Variants in NBEA observed in about 807,000 individuals in gnomAD.
NBEA encodes lysosomal-trafficking regulator 2.
In NBEA, 44 loss-of-function variants were observed where a neutral mutation model predicts 343.4. The observed-to-expected ratio is 0.13, with a 90% confidence interval of 0.10 to 0.16. The LOEUF (loss-of-function observed/expected upper bound fraction) is 0.16, where lower values mean the gene tolerates loss of function less well. Among genes scored for constraint, NBEA ranks in the 10% least tolerant of loss-of-function variants. The pLI is 1.00. For missense variants in NBEA, 2,555 were observed against 3,631.3 expected (o/e 0.70, Z 7.62); for synonymous variants, 1,175 against 1,238.7 (o/e 0.95, Z 1.08).
At chr13:35,219,873 C>A (rs2074267432) in intron 33 of NBEA, among the ~76,000 whole-genome samples, 1 of 152,124 alleles carries the variant, frequency 6.6e-6, no homozygotes, top group Non-Finnish European at 1.5e-5. Context: ...TAGATGAAGC[C>A]TTCTTCCATG....
chr13:35,327,908 A>G (rs9600505), intron 36 of NBEA, among the ~76,000 whole-genome samples: 31,857 of 151,868 alleles, frequency 0.21, 3,757 homozygotes, highest in African/African-American at 0.32. Flanking sequence ...TATTCCTGAT[A>G]TATAAAAAAA....
At chr13:35,348,656 A>G (rs937120430) in intron 36 of NBEA, among the ~76,000 whole-genome samples, 1 of 152,076 alleles carries the variant, frequency 6.6e-6, no homozygotes, top group African/African-American at 2.4e-5. Context: ...CTGAAATTCA[A>G]ATTTAACTGG....
intron 47 of NBEA, among the ~76,000 whole-genome samples, chr13:35,603,446 T>A (rs2082146180): frequency 6.6e-6 from 1 of 152,212 alleles, no homozygotes; most frequent in Non-Finnish European, 1.5e-5. Context: ...TTTGTGAATC[T>A]AATTTAATGA....
intron 10 of NBEA, among the ~76,000 whole-genome samples, chr13:35,079,274 G>A (rs535104299): frequency 9.9e-5 from 15 of 152,214 alleles, no homozygotes; most frequent in East Asian, 3.9e-4. Flanking sequence ...GTAACTTCTC[G>A]TTGAATTAAA....
chr13:35,024,193 T>C (rs2061939819), intron 1 of NBEA, among the ~76,000 whole-genome samples: 1 of 152,184 alleles, frequency 6.6e-6, no homozygotes, highest in Non-Finnish European at 1.5e-5. Context: ...TATGGCTGCA[T>C]AGTATTCCAT....
chr13:35,305,928 GTATTC>G (rs2036863554), intron 35 of NBEA, among the ~76,000 whole-genome samples: 1 of 152,074 alleles, frequency 6.6e-6, no homozygotes, highest in Non-Finnish European at 1.5e-5. Context: ...TTTGTTCTGA[GTATTC>G]TATTCTTCAT....
chr13:35,324,141 C>G (rs1399099361), intron 36 of NBEA, among the ~76,000 whole-genome samples: 1 of 152,110 alleles, frequency 6.6e-6, no homozygotes, highest in East Asian at 1.9e-4. Context: ...AGGGGCTACA[C>G]TAACAGGAAG....
At chr13:35,135,740 A>G (rs2067684955) in intron 17 of NBEA, among the ~76,000 whole-genome samples, 1 of 151,980 alleles carries the variant, frequency 6.6e-6, no homozygotes, top group Non-Finnish European at 1.5e-5. Context: ...TAGAATAGAA[A>G]GCACAGAAAC....
chr13:35,152,834 T>A (rs1468780411), intron 18 of NBEA, among the ~76,000 whole-genome samples: 1 of 152,072 alleles, frequency 6.6e-6, no homozygotes. Context: ...TTGGTTTTCA[T>A]GTCCATATCC....
intron 8 of NBEA, among the ~76,000 whole-genome samples, chr13:35,065,296 A>G (rs536265024): frequency 7.2e-5 from 11 of 152,042 alleles, no homozygotes; most frequent in African/African-American, 2.4e-4. Context: ...TTTCTCTGGC[A>G]TGAGGTATTG....
intron 41 of NBEA, among the ~76,000 whole-genome samples, chr13:35,514,853 A>G (rs1052716577): frequency 1.3e-5 from 2 of 152,204 alleles, no homozygotes; most frequent in Non-Finnish European, 2.9e-5. Flanking sequence ...CTACATTAGC[A>G]TAAATTTACA....
chr13:35,482,373 A>G (rs2076153383), intron 41 of NBEA, among the ~76,000 whole-genome samples: 1 of 151,512 alleles, frequency 6.6e-6, no homozygotes, highest in African/African-American at 2.4e-5. Flanking sequence ...CCTATATAAT[A>G]TTTCATTTCC....
chr13:35,351,277 T>G (rs2040183573), intron 37 of NBEA, among the ~76,000 whole-genome samples: 1 of 151,976 alleles, frequency 6.6e-6, no homozygotes, highest in South Asian at 2.1e-4. Flanking sequence ...GTTATATTAC[T>G]TGTATTACAC....
intron 17 of NBEA, among the ~76,000 whole-genome samples, chr13:35,130,884 CTATAACAAGAAGTTATTCAT>C (rs1266416956): frequency 6.6e-6 from 1 of 151,786 alleles, no homozygotes; most frequent in African/African-American, 2.4e-5. Flanking sequence ...TTCTAAATAA[CTATAACAAGAAGTTATTCAT>C]TATACAAATT....
At chr13:35,254,441 A>G (rs561015340) in intron 34 of NBEA, among the ~76,000 whole-genome samples, 1 of 150,980 alleles carries the variant, frequency 6.6e-6, no homozygotes, top group African/African-American at 2.4e-5. Context: ...ATCCAGCCTC[A>G]GCCTAGCCTG....
intron 38 of NBEA, among the ~76,000 whole-genome samples, chr13:35,381,218 G>A (rs930174734): frequency 3.9e-5 from 6 of 151,964 alleles, no homozygotes; most frequent in Non-Finnish European, 7.4e-5. Context: ...TTAGCTAACT[G>A]GTAGTTCAAT....
chr13:35,184,530 T>C (rs976481279), intron 30 of NBEA, among the ~76,000 whole-genome samples: 1 of 151,884 alleles, frequency 6.6e-6, no homozygotes, highest in Non-Finnish European at 1.5e-5. Context: ...AATTAAATAT[T>C]AGACATCCAA....
intron 48 of NBEA, among the ~76,000 whole-genome samples, chr13:35,609,191 A>G (rs1444095633): frequency 6.6e-6 from 1 of 152,194 alleles, no homozygotes; most frequent in Non-Finnish European, 1.5e-5. Context: ...TTAATTTGCT[A>G]ATGTTTACTG....
intron 41 of NBEA, among the ~76,000 whole-genome samples, chr13:35,488,985 A>G (rs2076402826): frequency 6.6e-6 from 1 of 151,896 alleles, no homozygotes; most frequent in South Asian, 2.1e-4. Flanking sequence ...TACAAAATAC[A>G]TTTATGTCTG....
Sources: allele counts gnomAD v4.1 joint callset (sites outside exome capture counted in the v4.1 genomes callset), GRCh38; gene constraint gnomAD v4.1.1; transcripts MANE v1.5; gene names NCBI Gene and HGNC (gene_info 2026-07-23, HGNC 2026-07-21).